The following CLPTM1L variants were observed in gnomAD, a reference collection of about 807,000 sequenced individuals.
CLPTM1L encodes the protein lipid scramblase CLPTM1L.
Under a neutral mutation model 70.9 loss-of-function variants are expected in CLPTM1L, and 38 were observed. The ratio of observed to expected loss-of-function variants is 0.54; its 90% CI spans 0.41 to 0.70. CLPTM1L has a LOEUF of 0.70. Ranked by LOEUF, CLPTM1L falls within the 30% of genes least tolerant of loss-of-function variation. The pLI, the probability that CLPTM1L is intolerant of heterozygous loss-of-function variation, is 0.00. For synonymous variants in CLPTM1L, 339 were observed against 299.9 expected, an observed-to-expected ratio of 1.13 and a Z score of -1.35; for missense variants, 652 against 705.9, an observed-to-expected ratio of 0.92 and a Z score of 0.87.
At chr5:1,338,319 G>C (rs1753715334) in intron 4 of CLPTM1L, 1 of 370,022 alleles carries the variant, frequency 2.7e-6, no homozygotes, top group African/African-American at 2.1e-5. Flanking sequence ...AGGATGCACT[G>C]ACACGGAGCA....
intron 2 of CLPTM1L, 106 bp from the exon 3 acceptor site, chr5:1,341,966 G>C: frequency 1.1e-6 from 1 of 912,838 alleles, no homozygotes; most frequent in Non-Finnish European, 1.6e-6. Flanking sequence ...TTTTAGCTCA[G>C]AAGTACTAAA....
intron 8 of CLPTM1L, chr5:1,331,430 A>C: frequency 2.7e-5 from 8 of 298,900 alleles, no homozygotes; most frequent in Middle Eastern, 1.1e-3. Context: ...GGGCGAGGGA[A>C]CCAAGACAGG....
intron 4 of CLPTM1L, chr5:1,338,186 C>T (rs1257630306): frequency 3.3e-6 from 2 of 598,212 alleles, no homozygotes. Context: ...GAGACCCGCT[C>T]CCCAGGAAGT....
At chr5:1,335,514 G>C (rs1387823321) in intron 5 of CLPTM1L, among the ~76,000 whole-genome samples, 1 of 152,252 alleles carries the variant, frequency 6.6e-6, no homozygotes, top group Non-Finnish European at 1.5e-5. Context: ...CAGCTGCTAG[G>C]ACTCCATGGC....
chr5:1,336,346 G>A (rs995068809), intron 5 of CLPTM1L, among the ~76,000 whole-genome samples: 2 of 152,244 alleles, frequency 1.3e-5, no homozygotes, highest in Non-Finnish European at 2.9e-5. Context: ...CTGTGATTTG[G>A]GGGAAAAGCT....
intron 6 of CLPTM1L, 85 bp downstream of exon 6, chr5:1,334,972 C>T: frequency 1.0e-6 from 1 of 988,740 alleles, no homozygotes; most frequent in Non-Finnish European, 1.6e-6. Flanking sequence ...GCGAGGAGGC[C>T]CCGGCCTGTG....
chr5:1,342,009 CGTGTGT>C lies in CLPTM1L; in HGVS notation c.264-155_264-150del, dbSNP rs71598674. The C allele has an allele frequency of 3.2e-3, 1,614 of 502,958 alleles. 19 individuals are homozygous for C. In the African/African-American group the frequency reaches 0.033, roughly 10 times the overall value. The allele number at this position is 502,958 out of a possible 1,614,324, so 31.2% of individuals were successfully genotyped here. On this transcript the variant is annotated intron_variant, in intron 2 of 16. Coordinates refer to ENST00000320895, the MANE Select transcript of CLPTM1L (RefSeq NM_030782.5). This position sits in a 1 kb window ranked among gnomAD's most constrained non-coding sequence, Gnocchi z 4.3. ...CCCACCTGCCCAGGGCTTTACGAGT[CGTGTGT>C]GTGTGTGTGTGTGTGTGTGTGTGTG...
Position 1,330,375 on chromosome 5 carries a change from G to A in CLPTM1L, c.985C>T (p.Arg329Cys). The change falls in exon 9 of 17, where the codon CGC becomes TGC. Residue 329 changes from arginine to cysteine, a missense_variant. Arg to Cys is a radical substitution (Grantham distance 180, BLOSUM62 -3). Coordinates refer to ENST00000320895, the MANE Select transcript of CLPTM1L (RefSeq NM_030782.5). The stretch of plus-strand genomic sequence containing the variant: ...AAGATGACCACGGTGCTGAAGCAGC[G>A]CCAGAGCACTGGGGACAGGATGGTC... ...IGMSTKAVLW[R>C]CFSTVVIFLF... is the part of the protein sequence containing the mutation. 2 of 1,612,612 alleles carry A rather than the reference G, an allele frequency of 1.2e-6. No homozygotes were observed. The highest frequency in any genetic ancestry group is 1.1e-5 in the South Asian group (1 of 91,082).
rs747340541 is a variant in CLPTM1L, at chr5:1,341,574, A to C, written c.453+97T>G. The stretch of plus-strand genomic sequence containing the variant: ...TTTTGGCTTTACTCCCAACAAAGTC[A>C]CTGGAGCCCTAGACATCGCCCACCT... On this transcript the variant is annotated intron_variant, in intron 3 of 16. Coordinates refer to ENST00000320895, the MANE Select transcript of CLPTM1L (RefSeq NM_030782.5). The C allele has an allele frequency of 4.7e-5, 50 of 1,069,162 alleles. 1 individual carries two copies. The highest frequency in any genetic ancestry group is 5.8e-5 in the Non-Finnish European group (43 of 741,414). The allele number at this position is 1,069,162 out of a possible 1,614,324, so 66.2% of individuals were successfully genotyped here. A position where few individuals can be genotyped will look rare whatever the true frequency, so the allele number is the denominator to read the frequency against.
intron 10 of CLPTM1L, chr5:1,325,423 C>A (rs1352725771): frequency 1.7e-5 from 7 of 401,606 alleles, no homozygotes; most frequent in Admixed American, 1.5e-4. Context: ...GGACCCCAGT[C>A]AGCACCAGCC....
chr5:1,321,662 A>T lies in CLPTM1L; in HGVS notation c.1389T>A (p.His463Gln), dbSNP rs907632885. The change falls in exon 15 of 17, where the codon CAT (histidine) becomes CAA (glutamine). Residue 463 changes from histidine to glutamine, a missense_variant. Transcript: ENST00000320895. ...FVNYKLKSVA[H>Q]LPWKAFTYKA... Reference sequence around the variant, plus strand: ...TGTAGGTGAAGGCCTTCCAGGGCAGATGTGCCACTGACTTCAACTGAAACA... The same window carrying T: ...TGTAGGTGAAGGCCTTCCAGGGCAGTTGTGCCACTGACTTCAACTGAAACA... The T allele has an allele frequency of 1.2e-6, 2 of 1,613,990 alleles. No individual in the cohort carries two copies. Among genetic ancestry groups the T allele is most frequent in the Admixed American group, 3.3e-5 (2 of 60,032 alleles).
At chr5:1,321,166 C>G (rs921084267) in intron 15 of CLPTM1L, among the ~76,000 whole-genome samples, 1 of 152,246 alleles carries the variant, frequency 6.6e-6, no homozygotes, top group Admixed American at 6.5e-5. Context: ...CAGAAAAGTG[C>G]AAATCATGTC....
At chr5:1,322,754 G>C in intron 13 of CLPTM1L, 123 bp downstream of exon 13, 1 of 979,950 alleles carries the variant, frequency 1.0e-6, no homozygotes, top group Non-Finnish European at 1.7e-6. Context: ...TGCCAGAACA[G>C]GGTGGGGAGG....
At chr5:1,325,179 G>C (rs1752442873) in intron 10 of CLPTM1L, 2 of 333,562 alleles carry the variant, frequency 6.0e-6, no homozygotes, top group Non-Finnish European at 1.1e-5. Flanking sequence ...GTGGAACACA[G>C]TGGCTGCGCT....
chr5:1,325,432 C>T (rs890362927), intron 10 of CLPTM1L: 2 of 416,688 alleles, frequency 4.8e-6, no homozygotes, highest in Non-Finnish European at 8.7e-6. Context: ...TCAGCACCAG[C>T]CTCGGGAGCG....
chr5:1,319,107 G>T (rs1203588414), intron 16 of CLPTM1L, among the ~76,000 whole-genome samples: 1 of 152,220 alleles, frequency 6.6e-6, no homozygotes, highest in East Asian at 1.9e-4. Flanking sequence ...CCACCTGCGA[G>T]GACTTGGGAG....
chr5:1,334,962 G>C, intron 6 of CLPTM1L, 95 bp downstream of exon 6: 1 of 823,782 alleles, frequency 1.2e-6, no homozygotes, highest in Non-Finnish European at 2.0e-6. Flanking sequence ...GCAGCAGGAG[G>C]CGAGGAGGCC....
chr5:1,325,524 G>A (rs1417196553), intron 10 of CLPTM1L: 6 of 552,072 alleles, frequency 1.1e-5, no homozygotes, highest in African/African-American at 7.5e-5. Context: ...AGGCCCAGAA[G>A]TGCTGCCGTC....
In CLPTM1L at chr5:1,344,899, G is replaced by T. The variant is rs1236920754; in HGVS notation, c.-58C>A. Reference sequence around the variant, plus strand: ...CGCCTCTCAGCCGCGAGCCCCGCCCGCCCGGCGCCCAGCCCGCCGCTCCGG... The same window carrying T: ...CGCCTCTCAGCCGCGAGCCCCGCCCTCCCGGCGCCCAGCCCGCCGCTCCGG... On this transcript the variant is annotated 5_prime_UTR_variant, in exon 1 of 17. Coordinates refer to ENST00000320895, the MANE Select transcript of CLPTM1L (RefSeq NM_030782.5). The T allele has an allele frequency of 1.1e-5, 11 of 967,672 alleles. No individual in the cohort carries two copies. Among genetic ancestry groups the T allele is most frequent in the Non-Finnish European group, 1.4e-5 (11 of 808,296 alleles). The allele number at this position is 967,672 out of a possible 1,614,324, so 59.9% of individuals were successfully genotyped here. A position where few individuals can be genotyped will look rare whatever the true frequency, so the allele number is the denominator to read the frequency against.
Sources: allele counts gnomAD v4.1 joint callset (sites outside exome capture counted in the v4.1 genomes callset), GRCh38; gene constraint gnomAD v4.1.1; non-coding constraint Gnocchi (gnomAD v3.1); transcripts MANE v1.5; gene names NCBI Gene and HGNC (gene_info 2026-07-23, HGNC 2026-07-21).